ANK1: variants seen among roughly 807,000 people sequenced by gnomAD.
The protein encoded by ANK1 is ankyrin 1, also known as ankyrin-1.
ANK1 carries 51 observed loss-of-function variants against 210.4 expected under a neutral mutation model. That is an observed-to-expected ratio of 0.24 (90% CI 0.19 to 0.31). ANK1 has a LOEUF of 0.31. Ranked by LOEUF, ANK1 falls within the 10% of genes least tolerant of loss-of-function variation. The pLI is 1.00. For synonymous variants in ANK1, 967 were observed against 1,025.9 expected, an observed-to-expected ratio of 0.94 and a Z score of 1.10; for missense variants, 2,051 against 2,504.4, an observed-to-expected ratio of 0.82 and a Z score of 3.86.
rs752642506 is a variant in ANK1 at position 41,695,334 on chromosome 8, G to A, written c.2961-3C>T. ...GCGGGATCTCCACGATTACAGGGCT[G>A]AGGCAAGGACACAGTGGTGGTGGGG... On this transcript the variant is annotated splice_polypyrimidine_tract_variant and splice_region_variant and intron_variant, in intron 26 of 42. Coordinates refer to ENST00000289734, the MANE Select transcript of ANK1 (RefSeq NM_000037.4). 19 of 1,613,964 alleles carry A rather than the reference G, an allele frequency of 1.2e-5. No homozygotes were observed. Among genetic ancestry groups the A allele is most frequent in the Non-Finnish European group, 1.6e-5 (19 of 1,180,024 alleles).
chr8:41,889,551 C>CT (rs977994774), intron 1 of ANK1, among the ~76,000 whole-genome samples: 1 of 152,198 alleles, frequency 6.6e-6, no homozygotes, highest in Non-Finnish European at 1.5e-5. Context: ...ATGGTGCTCT[C>CT]TTTTTTTAAT....
At chr8:41,872,792 C>T (rs1815807238) in intron 1 of ANK1, among the ~76,000 whole-genome samples, 1 of 152,184 alleles carries the variant, frequency 6.6e-6, no homozygotes, top group South Asian at 2.1e-4. Context: ...CTGGAGTGAC[C>T]TGTAGGAGGT....
intron 14 of ANK1, 76 bp from the exon 15 acceptor site, chr8:41,715,150 G>C (rs1827273416): frequency 2.2e-6 from 3 of 1,345,418 alleles, no homozygotes; most frequent in Non-Finnish European, 3.2e-6. Flanking sequence ...CAGCAAAGGA[G>C]GCTGCACCTC....
chr8:41,869,017 G>C (rs1292980950), intron 1 of ANK1, among the ~76,000 whole-genome samples: 1 of 152,184 alleles, frequency 6.6e-6, no homozygotes, highest in Non-Finnish European at 1.5e-5. Context: ...TCGTTGGCAA[G>C]ATTAAATGGG....
chr8:41,728,148 T>A (rs745386295), intron 3 of ANK1, 142 bp from the exon 4 acceptor site: 7 of 684,186 alleles, frequency 1.0e-5, no homozygotes, highest in South Asian at 1.0e-4. Flanking sequence ...CACACGTGTG[T>A]GCTTGACCCA....
chr8:41,886,138 GC>G (rs1206313448), intron 1 of ANK1, among the ~76,000 whole-genome samples: 5 of 152,166 alleles, frequency 3.3e-5, no homozygotes, highest in African/African-American at 1.2e-4. Flanking sequence ...CCCATTCAGG[GC>G]TCAGGTGCAG....
intron 2 of ANK1, among the ~76,000 whole-genome samples, chr8:41,737,634 A>G (rs1261874431): frequency 6.6e-6 from 1 of 152,192 alleles, no homozygotes; most frequent in Non-Finnish European, 1.5e-5. Context: ...ATTTTTAAAA[A>G]ATGTTTTCTC....
chr8:41,716,167 T>C (rs1055109310), intron 13 of ANK1, among the ~76,000 whole-genome samples: 1 of 152,174 alleles, frequency 6.6e-6, no homozygotes, highest in Non-Finnish European at 1.5e-5. Context: ...ATCAAGCTGA[T>C]AATGTACATG....
chr8:41,837,975 G>C (rs961832899), intron 1 of ANK1, among the ~76,000 whole-genome samples: 1 of 152,204 alleles, frequency 6.6e-6, no homozygotes, highest in African/African-American at 2.4e-5. Flanking sequence ...CTGAGTTTTA[G>C]AGGAGGGGTA....
At chr8:41,773,056 C>G (rs1372724) in intron 1 of ANK1, among the ~76,000 whole-genome samples, 11,242 of 143,024 alleles carry the variant, frequency 0.079, 1,381 homozygotes, top group African/African-American at 0.26. Context: ...TCCAGCCTGA[C>G]CCCCCCTAAA....
chr8:41,686,105 T>C, intron 36 of ANK1, 47 bp downstream of exon 36: 1 of 1,613,976 alleles, frequency 6.2e-7, no homozygotes, highest in Admixed American at 1.7e-5. Flanking sequence ...ACTAGTTTGG[T>C]GGGGAGGAGG....
intron 1 of ANK1, among the ~76,000 whole-genome samples, chr8:41,875,260 C>G (rs1240786496): frequency 6.6e-6 from 1 of 152,202 alleles, no homozygotes; most frequent in Admixed American, 6.5e-5. Context: ...TTCTTGGCAC[C>G]GGGAGCCAGC....
chr8:41,874,857 A>C (rs1370793992), intron 1 of ANK1, among the ~76,000 whole-genome samples: 1 of 152,186 alleles, frequency 6.6e-6, no homozygotes, highest in Admixed American at 6.5e-5. Flanking sequence ...AAGTTGGAAA[A>C]ATACCCAAGG....
chr8:41,892,750 C>T (rs968709496), intron 1 of ANK1, among the ~76,000 whole-genome samples: 6 of 152,178 alleles, frequency 3.9e-5, no homozygotes, highest in African/African-American at 1.2e-4. Context: ...ATGCCTGCAA[C>T]CAAGACAACA....
intron 1 of ANK1, among the ~76,000 whole-genome samples, chr8:41,869,020 T>C (rs1248707656): frequency 6.6e-6 from 1 of 152,124 alleles, no homozygotes; most frequent in African/African-American, 2.4e-5. Flanking sequence ...TTGGCAAGAT[T>C]AAATGGGATG....
At chr8:41,769,033 G>A (rs531379818) in intron 1 of ANK1, among the ~76,000 whole-genome samples, 30 of 151,262 alleles carry the variant, frequency 2.0e-4, no homozygotes, top group Non-Finnish European at 3.1e-4. Context: ...AGCCAGGTAC[G>A]CTTCAAAGCT....
intron 1 of ANK1, among the ~76,000 whole-genome samples, chr8:41,854,508 G>A (rs576987105): frequency 2.0e-5 from 3 of 152,318 alleles, no homozygotes; most frequent in Middle Eastern, 3.4e-3. Context: ...GCACCTTCAC[G>A]TGCTTTCTGT....
chr8:41,726,051 C>A (rs945510062), intron 5 of ANK1, 105 bp from the exon 6 acceptor site: 95 of 1,289,434 alleles, frequency 7.4e-5, no homozygotes, highest in Non-Finnish European at 9.5e-5. Context: ...GCAGCCCCAG[C>A]CTGAGGGACC....
upstream of ANK1, among the ~76,000 whole-genome samples, chr8:41,801,731 G>A (rs1052236021): frequency 2.0e-5 from 3 of 152,144 alleles, 1 homozygote; most frequent in East Asian, 1.9e-4. Flanking sequence ...TTCTTATCGA[G>A]GTGGAGGAGT....
Sources: gnomAD v4.1 joint callset for allele counts (sites outside exome capture counted in the v4.1 genomes callset) on GRCh38, gnomAD v4.1.1 for gene constraint, MANE v1.5 for transcripts, NCBI Gene and HGNC (gene_info 2026-07-23, HGNC 2026-07-21) for gene names.